Variants in PRR18 observed in about 807,000 individuals in gnomAD.
PRR18 encodes the protein proline rich 18.
For missense variants in PRR18, 517 were observed against 437.4 expected, an observed-to-expected ratio of 1.18 and a Z score of -1.62; for synonymous variants, 228 against 220.2, an observed-to-expected ratio of 1.04 and a Z score of -0.32.
chr6:166,307,155 A>G lies in PRR18; in HGVS notation c.*100T>C. On this transcript the variant is annotated 3_prime_UTR_variant, in exon 1 of 1. Coordinates refer to ENST00000322583, the MANE Select transcript of PRR18 (RefSeq NM_175922.4). ...GTCCCGAAAGTGGGCGCTGGCGGCC[A>G]GAGGAGCCTGCGGTCTCCCCCGAGG... 3 of 1,201,706 alleles carry G rather than the reference A, an allele frequency of 2.5e-6. No individual in the cohort carries two copies. The highest frequency in any genetic ancestry group is 4.1e-5 in the Admixed American group (1 of 24,192). The allele number at this position is 1,201,706 out of a possible 1,614,324, so 74.4% of individuals were successfully genotyped here.
In PRR18 at chr6:166,307,998, G is replaced by A; in HGVS notation, c.145C>T (p.Pro49Ser). Residue 49 changes from proline to serine, a missense_variant, in exon 1 of 1, where the codon CCC becomes TCC. Pro to Ser is a moderately conservative substitution (Grantham distance 74). Coordinates refer to ENST00000322583, the MANE Select transcript of PRR18 (RefSeq NM_175922.4). ...GGCGGCCTCTTGAGCGTGGCGGAGG[G>A]CCAGGAGCTGGAGAGGAGCCCCTCG... ...RPEGLLSSSW[P>S]SATLKRPPAR... 3.8e-5 allele frequency: 47 copies of A among 1,238,684 alleles called. No homozygotes were observed. The highest frequency in any genetic ancestry group is 4.8e-5 in the Non-Finnish European group (47 of 984,534). The allele number at this position is 1,238,684 out of a possible 1,614,324, so 76.7% of individuals were successfully genotyped here.
Position 166,308,269 on chromosome 6 carries a change from T to G in PRR18, c.-127A>C. Reference sequence around the variant, plus strand: ...CCCACCTGCGTCCAGCCGCGGCCTCTCCGGCTTCCTCACATCCCAGCGACC... The same window carrying G: ...CCCACCTGCGTCCAGCCGCGGCCTCGCCGGCTTCCTCACATCCCAGCGACC... On this transcript the variant is annotated 5_prime_UTR_variant, in exon 1 of 1. Transcript: ENST00000322583. 1.1e-6 allele frequency: 1 copy of G among 928,630 alleles called. No homozygotes were observed. The allele number at this position is 928,630 out of a possible 1,614,324, so 57.5% of individuals were successfully genotyped here. A position where few individuals can be genotyped will look rare whatever the true frequency, so the allele number is the denominator to read the frequency against.
At position 166,305,954 on chromosome 6, in the gene PRR18, G is replaced by A. The variant is rs896938174; in HGVS notation, c.*1301C>T. On this transcript the variant is annotated 3_prime_UTR_variant, in exon 1 of 1. Coordinates refer to ENST00000322583, the MANE Select transcript of PRR18 (RefSeq NM_175922.4). ...GCACTCAGAGACCATCTGGGTGGGG[G>A]TGGAACAAGAGCAGCACCGTCACTT... 2 of 152,188 alleles carry A rather than the reference G, an allele frequency of 1.3e-5. No individual in the cohort carries two copies. Among genetic ancestry groups the A allele is most frequent in the African/African-American group, 2.4e-5 (1 of 41,428 alleles). 9.4% of individuals were successfully genotyped at this position (152,188 alleles called of 1,614,324 possible).
rs1778130366 is a variant in PRR18, at chr6:166,307,784, C to T, written c.359G>A (p.Gly120Asp). Residue 120 changes from glycine (G) to aspartate (D), a missense_variant, in exon 1 of 1, where the codon GGC (glycine) becomes GAC (aspartate). Physicochemically the swap from Gly to Asp is moderately conservative, Grantham distance 94 (BLOSUM62 -1). Coordinates refer to ENST00000322583, the MANE Select transcript of PRR18 (RefSeq NM_175922.4). ...TSAGTGTTAA[G>D]TSSGAGPCPD... Reference sequence around the variant, plus strand: ...ACAAGGCCCCGCCCCCGAGGAGGTGCCCGCGGCGGTGGTCCCCGTCCCCGC... The same window carrying T: ...ACAAGGCCCCGCCCCCGAGGAGGTGTCCGCGGCGGTGGTCCCCGTCCCCGC... 1.2e-5 allele frequency: 17 copies of T among 1,469,646 alleles called. No homozygotes were observed. In the East Asian group the frequency reaches 3.9e-4, roughly 34 times the overall value. The allele number at this position is 1,469,646 out of a possible 1,614,324, so 91.0% of individuals were successfully genotyped here. A position where few individuals can be genotyped will look rare whatever the true frequency, so the allele number is the denominator to read the frequency against.
At position 166,307,911 on chromosome 6, in the gene PRR18, G is replaced by C. The variant is rs1240961529; in HGVS notation, c.232C>G (p.Gln78Glu). 6 of 1,225,462 alleles carry C rather than the reference G, an allele frequency of 4.9e-6. No individual in the cohort carries two copies. The highest frequency in any genetic ancestry group is 3.3e-5 in the East Asian group (1 of 30,408). 75.9% of individuals were successfully genotyped at this position (1,225,462 alleles called of 1,614,324 possible). The change falls in exon 1 of 1, where the codon CAG (glutamine) becomes GAG (glutamate). Residue 78 changes from glutamine (Q) to glutamate (E), a missense_variant. Gln to Glu is a conservative substitution (Grantham distance 29, BLOSUM62 2). Coordinates refer to ENST00000322583, the MANE Select transcript of PRR18 (RefSeq NM_175922.4). ...GCCCGCGCGCGGCTGGGCAAGGCCT[G>C]GGGGGAGACGCCCGGAGGGGCCGGC... ...QPPAPPGVSP[Q>E]ALPSRARAPA...
chr6:166,307,915 G>T lies in PRR18; in HGVS notation c.228C>A (p.Ser76=). The T allele has an allele frequency of 1.6e-6, 2 of 1,225,156 alleles. No homozygotes were observed. Among genetic ancestry groups the T allele is most frequent in the Non-Finnish European group, 2.0e-6 (2 of 981,620 alleles). The allele number at this position is 1,225,156 out of a possible 1,614,324, so 75.9% of individuals were successfully genotyped here. The change falls in exon 1 of 1, where the codon TCC becomes TCA. Residue 76 remains serine, a synonymous_variant. Coordinates refer to ENST00000322583, the MANE Select transcript of PRR18 (RefSeq NM_175922.4). ...GCGCGCGGCTGGGCAAGGCCTGGGG[G>T]GAGACGCCCGGAGGGGCCGGCGGCT... is the stretch of plus-strand genomic sequence containing the variant. ...RTQPPAPPGV[S]PQALPSRARA...
In PRR18 at chr6:166,308,075, G is replaced by A; in HGVS notation, c.68C>T (p.Pro23Leu). The A allele has an allele frequency of 8.1e-7, 1 of 1,236,712 alleles. No homozygotes were observed. Among genetic ancestry groups the A allele is most frequent in the Non-Finnish European group, 1.0e-6 (1 of 986,142 alleles). The allele number at this position is 1,236,712 out of a possible 1,614,324, so 76.6% of individuals were successfully genotyped here. A position where few individuals can be genotyped will look rare whatever the true frequency, so the allele number is the denominator to read the frequency against. Residue 23 changes from proline to leucine, a missense_variant, in exon 1 of 1, where the codon CCC becomes CTC. Pro to Leu is a moderately conservative substitution (Grantham distance 98). Transcript: ENST00000322583. ...APGAQAARQL[P>L]RRPCAAGDKK... Reference sequence around the variant, plus strand: ...GTCCCCCGCGGCGCAGGGCCTCCGGGGTAACTGGCGCGCGGCTTGGGCCCC... The same window carrying A: ...GTCCCCCGCGGCGCAGGGCCTCCGGAGTAACTGGCGCGCGGCTTGGGCCCC...
Position 166,307,531 on chromosome 6 carries a change from G to A in PRR18, c.612C>T (p.Gly204=). 8.2e-7 allele frequency: 1 copy of A among 1,218,498 alleles called. No individual in the cohort carries two copies. The highest frequency in any genetic ancestry group is 1.0e-6 in the Non-Finnish European group (1 of 980,694). The allele number at this position is 1,218,498 out of a possible 1,614,324, so 75.5% of individuals were successfully genotyped here. Reference sequence around the variant, plus strand: ...GGGCGCCGGGCGGAGGCGCGCGGCGGCCCTGGCCGGCGGTGGGGGGTGCGT... The same window carrying A: ...GGGCGCCGGGCGGAGGCGCGCGGCGACCCTGGCCGGCGGTGGGGGGTGCGT... The part of the protein sequence containing the change: ...DPDAPPTAGQ[G]RRAPPPGAQL... The change falls in exon 1 of 1, where the codon GGC becomes GGT. Residue 204 remains glycine, a synonymous_variant. Transcript: ENST00000322583.
Position 166,307,294 on chromosome 6 carries a change from C to G in PRR18, c.849G>C (p.Ala283=), listed in dbSNP as rs900873450. The G allele has an allele frequency of 6.5e-7, 1 of 1,528,438 alleles. No individual in the cohort carries two copies. Among genetic ancestry groups the G allele is most frequent in the South Asian group, 1.2e-5 (1 of 83,056 alleles). The allele number at this position is 1,528,438 out of a possible 1,614,324, so 94.7% of individuals were successfully genotyped here. The change falls in exon 1 of 1, where the codon GCG becomes GCC. Residue 283 remains alanine (A), a synonymous_variant. Coordinates refer to ENST00000322583, the MANE Select transcript of PRR18 (RefSeq NM_175922.4). ...VESAAAARGR[A]GALDSRRHLS... ...GGTGCCGCCGTGAGTCCAGGGCCCCCGCCCGGCCCCGCGCGGCAGCCGCGG... is the reference window on the plus strand; with the variant it reads ...GGTGCCGCCGTGAGTCCAGGGCCCCGGCCCGGCCCCGCGCGGCAGCCGCGG...
chr6:166,307,183 C>T lies in PRR18; in HGVS notation c.*72G>A. 7.6e-7 allele frequency: 1 copy of T among 1,320,410 alleles called. No homozygotes were observed. Among genetic ancestry groups the T allele is most frequent in the South Asian group, 1.9e-5 (1 of 53,402 alleles). The allele number at this position is 1,320,410 out of a possible 1,614,324, so 81.8% of individuals were successfully genotyped here. Reference sequence around the variant, plus strand: ...GGAGCCTGCGGTCTCCCCCGAGGGCCCCTAGGCGGAGTGGCGCGTGCAGGA... The same window carrying T: ...GGAGCCTGCGGTCTCCCCCGAGGGCTCCTAGGCGGAGTGGCGCGTGCAGGA... On this transcript the variant is annotated 3_prime_UTR_variant, in exon 1 of 1. Coordinates refer to ENST00000322583, the MANE Select transcript of PRR18 (RefSeq NM_175922.4).
chr6:166,306,209 G>A lies in PRR18; in HGVS notation c.*1046C>T, dbSNP rs1778094792. 6.6e-6 allele frequency: 1 copy of A among 152,070 alleles called. No homozygotes were observed. The highest frequency in any genetic ancestry group is 2.4e-5 in the African/African-American group (1 of 41,402). 9.4% of individuals were successfully genotyped at this position (152,070 alleles called of 1,614,324 possible). A position where few individuals can be genotyped will look rare whatever the true frequency, so the allele number is the denominator to read the frequency against. On this transcript the variant is annotated 3_prime_UTR_variant, in exon 1 of 1. Coordinates refer to ENST00000322583, the MANE Select transcript of PRR18 (RefSeq NM_175922.4). ...GAGAGACAGTGTGTGTGTGTTATTA[G>A]AGCAAAGACCTCCACAAGAAAAATA...
Position 166,308,315 on chromosome 6 carries a change from A to G in PRR18, c.-173T>C. On this transcript the variant is annotated 5_prime_UTR_variant, in exon 1 of 1. Coordinates refer to ENST00000322583, the MANE Select transcript of PRR18 (RefSeq NM_175922.4). ...CGACCAAACCCGGGGACTCAAAGAG[A>G]GGCGCTCCCACCCTCCCCTCCTCCT... The G allele has an allele frequency of 1.8e-6, 1 of 557,876 alleles. No individual in the cohort carries two copies. Among genetic ancestry groups the G allele is most frequent in the Non-Finnish European group, 2.7e-6 (1 of 374,594 alleles). 34.6% of individuals were successfully genotyped at this position (557,876 alleles called of 1,614,324 possible).
Position 166,306,175 on chromosome 6 carries a change from A to G in PRR18, c.*1080T>C, listed in dbSNP as rs568230470. 6.6e-5 allele frequency: 10 copies of G among 152,024 alleles called. No homozygotes were observed. Among genetic ancestry groups the G allele is most frequent in the Admixed American group, 5.9e-4 (9 of 15,240 alleles). 9.4% of individuals were successfully genotyped at this position (152,024 alleles called of 1,614,324 possible). ...TAAATGTGTGCCTAGAATTAGAGAGAGAGAGAGAGAGAGACAGTGTGTGTG... is the reference window on the plus strand; with the variant it reads ...TAAATGTGTGCCTAGAATTAGAGAGGGAGAGAGAGAGAGACAGTGTGTGTG... On this transcript the variant is annotated 3_prime_UTR_variant, in exon 1 of 1. Transcript: ENST00000322583.
chr6:166,307,134 C>A lies in PRR18; in HGVS notation c.*121G>T, dbSNP rs1425529570. 5 of 1,117,048 alleles carry A rather than the reference C, an allele frequency of 4.5e-6. No individual in the cohort carries two copies. In the African/African-American group the frequency reaches 8.2e-5, roughly 18 times the overall value. 69.2% of individuals were successfully genotyped at this position (1,117,048 alleles called of 1,614,324 possible). ...TGGGCCAGCTTGCGCACTGGTGTCC[C>A]GAAAGTGGGCGCTGGCGGCCAGAGG... On this transcript the variant is annotated 3_prime_UTR_variant, in exon 1 of 1. Coordinates refer to ENST00000322583, the MANE Select transcript of PRR18 (RefSeq NM_175922.4).
Position 166,307,900 on chromosome 6 carries a change from G to A in PRR18, c.243C>T (p.Pro81=). The A allele has an allele frequency of 8.1e-7, 1 of 1,234,048 alleles. No homozygotes were observed. The highest frequency in any genetic ancestry group is 1.0e-6 in the Non-Finnish European group (1 of 988,632). The allele number at this position is 1,234,048 out of a possible 1,614,324, so 76.4% of individuals were successfully genotyped here. The change falls in exon 1 of 1, where the codon CCC becomes CCT. Residue 81 remains proline, a synonymous_variant. Coordinates refer to ENST00000322583, the MANE Select transcript of PRR18 (RefSeq NM_175922.4). ...APPGVSPQAL[P]SRARAPATCA... is the part of the protein sequence containing the mutation. ...ACGTGGCTGGGGCCCGCGCGCGGCT[G>A]GGCAAGGCCTGGGGGGAGACGCCCG...
Position 166,308,106 on chromosome 6 carries a change from C to T in PRR18, c.37G>A (p.Ala13Thr). 8.1e-7 allele frequency: 1 copy of T among 1,231,844 alleles called. No individual in the cohort carries two copies. 76.3% of individuals were successfully genotyped at this position (1,231,844 alleles called of 1,614,324 possible). A position where few individuals can be genotyped will look rare whatever the true frequency, so the allele number is the denominator to read the frequency against. The change falls in exon 1 of 1, where the codon GCC (alanine) becomes ACC (threonine). Residue 13 changes from alanine (A) to threonine (T), a missense_variant. Physicochemically the swap from Ala to Thr is moderately conservative, Grantham distance 58. Transcript: ENST00000322583. ...TGGCGCGCGGCTTGGGCCCCCGGGG[C>T]GGGGGCGGGCGGCGGCGGCATGGGC... ...FPPMPPPPAP[A>T]PGAQAARQLP...
At position 166,307,197 on chromosome 6, in the gene PRR18, GC is replaced by G; in HGVS notation, c.*57del. ...CCCCCGAGGGCCCCTAGGCGGAGTG[GC>G]GCGTGCAGGAAGTGAGGTGGGATCA... On this transcript the variant is annotated 3_prime_UTR_variant, in exon 1 of 1. Coordinates refer to ENST00000322583, the MANE Select transcript of PRR18 (RefSeq NM_175922.4). The G allele has an allele frequency of 7.4e-7, 1 of 1,344,662 alleles. No homozygotes were observed. The highest frequency in any genetic ancestry group is 9.5e-7 in the Non-Finnish European group (1 of 1,047,442). 83.3% of individuals were successfully genotyped at this position (1,344,662 alleles called of 1,614,324 possible). A position where few individuals can be genotyped will look rare whatever the true frequency, so the allele number is the denominator to read the frequency against.
At position 166,306,538 on chromosome 6, in the gene PRR18, T is replaced by C. The variant is rs1250863305; in HGVS notation, c.*717A>G. On this transcript the variant is annotated 3_prime_UTR_variant, in exon 1 of 1. Transcript: ENST00000322583. ...GGAGCTTTACTCTCTATTCAAATAATACACAGAAAAAATGTAATCAGCCGA... is the reference window on the plus strand; with the variant it reads ...GGAGCTTTACTCTCTATTCAAATAACACACAGAAAAAATGTAATCAGCCGA... 2 of 151,488 alleles carry C rather than the reference T, an allele frequency of 1.3e-5. No homozygotes were observed. Among genetic ancestry groups the C allele is most frequent in the African/African-American group, 4.9e-5 (2 of 40,782 alleles). The allele number at this position is 151,488 out of a possible 1,614,324, so 9.4% of individuals were successfully genotyped here.
chr6:166,307,048 G>A lies in PRR18; in HGVS notation c.*207C>T. On this transcript the variant is annotated 3_prime_UTR_variant, in exon 1 of 1. Coordinates refer to ENST00000322583, the MANE Select transcript of PRR18 (RefSeq NM_175922.4). ...GGTGTGAACGAGAAAGGCCCGGGCT[G>A]CCGGCTGGCGAGGGCAGGAGGGGGG... 1 of 483,920 alleles carries A rather than the reference G, an allele frequency of 2.1e-6. No individual in the cohort carries two copies. The highest frequency in any genetic ancestry group is 3.5e-6 in the Non-Finnish European group (1 of 285,986). The allele number at this position is 483,920 out of a possible 1,614,324, so 30.0% of individuals were successfully genotyped here.
Sources: gnomAD v4.1 joint callset for allele counts on GRCh38, gnomAD v4.1.1 for gene constraint, MANE v1.5 for transcripts, NCBI Gene and HGNC (gene_info 2026-07-23, HGNC 2026-07-21) for gene names.